Variants in MYT1L observed in about 807,000 individuals in gnomAD.
MYT1L encodes myelin transcription factor 1-like protein.
MYT1L carries 12 observed loss-of-function variants against 126.7 expected under a neutral mutation model. That is an observed-to-expected ratio of 0.09 (90% CI 0.06 to 0.15). The LOEUF (loss-of-function observed/expected upper bound fraction) is 0.15, where lower values mean the gene tolerates loss of function less well. MYT1L is among the 10% of genes least tolerant of loss of function. The pLI, the probability that MYT1L is intolerant of heterozygous loss-of-function variation, is 1.00. For synonymous variants in MYT1L, 541 were observed against 604.2 expected, an observed-to-expected ratio of 0.90 and a Z score of 1.53; for missense variants, 979 against 1,585.2, an observed-to-expected ratio of 0.62 and a Z score of 6.49.
chr2:1,850,906 G>A (rs569534189), intron 19 of MYT1L, among the ~76,000 whole-genome samples: 10 of 152,154 alleles, frequency 6.6e-5, no homozygotes, highest in East Asian at 1.9e-4. Flanking sequence ...CAGTCTCCCC[G>A]ACTACAGGAG....
At chr2:1,902,980 G>T in intron 14 of MYT1L, 100 bp downstream of exon 14, 1 of 1,120,328 alleles carries the variant, frequency 8.9e-7, no homozygotes, top group Non-Finnish European at 1.3e-6. Flanking sequence ...CCCATTGAGT[G>T]ACCACCACCG....
At chr2:2,257,406 G>A (rs546439962) in intron 2 of MYT1L, among the ~76,000 whole-genome samples, 22 of 152,260 alleles carry the variant, frequency 1.4e-4, no homozygotes, top group Non-Finnish European at 3.1e-4. Flanking sequence ...TCTTGGCTGC[G>A]GTGGCTTATG....
intron 8 of MYT1L, among the ~76,000 whole-genome samples, chr2:1,977,573 G>A (rs2060280753): frequency 6.6e-6 from 1 of 152,270 alleles, no homozygotes. Context: ...TGCTTGAGGG[G>A]ATGAAGATTC....
chr2:2,101,461 C>G (rs747769708), intron 3 of MYT1L, among the ~76,000 whole-genome samples: 18 of 152,078 alleles, frequency 1.2e-4, no homozygotes, highest in Non-Finnish European at 2.6e-4. Context: ...TACCACCCAC[C>G]CACCCACCAA....
chr2:1,915,797 G>GA (rs1257732550), intron 11 of MYT1L, among the ~76,000 whole-genome samples: 17 of 152,328 alleles, frequency 1.1e-4, no homozygotes, highest in Admixed American at 7.2e-4. Context: ...ATTTGTTTAA[G>GA]AAGATATGGC....
chr2:1,855,759 C>T (rs1336142695), intron 18 of MYT1L, among the ~76,000 whole-genome samples: 1 of 151,980 alleles, frequency 6.6e-6, no homozygotes, highest in East Asian at 1.9e-4. Context: ...AATCTTGAAA[C>T]CCACACGAGC....
chr2:2,143,625 G>A (rs1172451259), intron 3 of MYT1L, among the ~76,000 whole-genome samples: 1 of 152,142 alleles, frequency 6.6e-6, no homozygotes, highest in Non-Finnish European at 1.5e-5. Context: ...GCAGAGGTGG[G>A]TCATTTGGGA....
At chr2:1,842,137 C>T (rs946447046) in intron 19 of MYT1L, 5 of 152,318 alleles carry the variant, frequency 3.3e-5, no homozygotes, top group Non-Finnish European at 7.3e-5. Flanking sequence ...GGAGGCCACT[C>T]TTCTCCCTGG....
At chr2:2,181,015 C>T (rs1197990395) in intron 2 of MYT1L, among the ~76,000 whole-genome samples, 1 of 147,146 alleles carries the variant, frequency 6.8e-6, no homozygotes, top group African/African-American at 2.5e-5. Context: ...CCTGTGTGTG[C>T]ACCTGTATCT....
chr2:2,318,425 T>G (rs2096105947), intron 1 of MYT1L, among the ~76,000 whole-genome samples: 1 of 152,218 alleles, frequency 6.6e-6, no homozygotes, highest in South Asian at 2.1e-4. Context: ...CAGGTGGCTT[T>G]GCCCATTTGT....
At chr2:2,311,605 CAGGA>C (rs1347952065) in intron 1 of MYT1L, among the ~76,000 whole-genome samples, 1 of 152,172 alleles carries the variant, frequency 6.6e-6, no homozygotes, top group Non-Finnish European at 1.5e-5. Context: ...TCCGTGTGAA[CAGGA>C]GTGTTGTGCA....
intron 8 of MYT1L, among the ~76,000 whole-genome samples, chr2:1,945,098 C>T (rs2057078446): frequency 6.6e-6 from 1 of 152,108 alleles, no homozygotes; most frequent in Non-Finnish European, 1.5e-5. Flanking sequence ...CAAAAGCAAA[C>T]CCCAAAGGCT....
chr2:2,046,634 G>A (rs960792571), intron 4 of MYT1L, among the ~76,000 whole-genome samples: 9 of 152,292 alleles, frequency 5.9e-5, no homozygotes, highest in South Asian at 2.1e-4. Context: ...CCAGTAGCTC[G>A]TCCCGGGTGA....
intron 3 of MYT1L, among the ~76,000 whole-genome samples, chr2:2,155,011 C>A (rs2086491088): frequency 6.6e-6 from 1 of 152,104 alleles, no homozygotes; most frequent in African/African-American, 2.4e-5. Flanking sequence ...CCTGTAATCC[C>A]AGCTACTCGG....
chr2:1,823,356 T>A (rs2038830575), intron 21 of MYT1L, among the ~76,000 whole-genome samples: 1 of 152,194 alleles, frequency 6.6e-6, no homozygotes. Flanking sequence ...GTCATAGATA[T>A]AGCTGTGGCA....
intron 9 of MYT1L, among the ~76,000 whole-genome samples, chr2:1,935,996 G>A (rs4853820): frequency 0.12 from 18,982 of 152,212 alleles, 1,232 homozygotes; most frequent in East Asian, 0.27. Flanking sequence ...TCGGCTCACA[G>A]CAACCTCCGC....
intron 3 of MYT1L, among the ~76,000 whole-genome samples, chr2:2,073,966 G>T (rs757642069): frequency 1.3e-5 from 2 of 152,016 alleles, no homozygotes; most frequent in Admixed American, 6.5e-5. Context: ...GGAATTGCCC[G>T]TCTCACCCAC....
chr2:1,830,824 T>C (rs10174109), intron 21 of MYT1L, among the ~76,000 whole-genome samples: 65,717 of 151,600 alleles, frequency 0.43, 16,184 homozygotes, highest in African/African-American at 0.67. Context: ...CCTCGCCTGC[T>C]GGCTGGCTGC....
intron 4 of MYT1L, among the ~76,000 whole-genome samples, chr2:2,047,154 T>C (rs567947723): frequency 1.3e-3 from 192 of 152,386 alleles, no homozygotes; most frequent in Non-Finnish European, 2.3e-3. Context: ...TCCACCTTTC[T>C]ACATTGTCTT....
Sources: gnomAD v4.1 joint callset for allele counts (sites outside exome capture counted in the v4.1 genomes callset) on GRCh38, gnomAD v4.1.1 for gene constraint, MANE v1.5 for transcripts, NCBI Gene and HGNC (gene_info 2026-07-23, HGNC 2026-07-21) for gene names.